BNC2: variants seen among roughly 807,000 people sequenced by gnomAD.
BNC2 encodes the protein basonuclin zinc finger protein 2.
In BNC2, 20 loss-of-function variants were observed where a neutral mutation model predicts 76.3. The observed-to-expected ratio is 0.26, with a 90% confidence interval of 0.18 to 0.38. BNC2 has a LOEUF of 0.38. Ranked by LOEUF, BNC2 falls within the 10% of genes least tolerant of loss-of-function variation. BNC2 has a pLI of 1.00. For missense variants in BNC2, 1,382 were observed against 1,399.8 expected (o/e 0.99, Z 0.20); for synonymous variants, 582 against 514.8 (o/e 1.13, Z -1.77).
chr9:16,526,114 T>C (rs956786746), intron 5 of BNC2, among the ~76,000 whole-genome samples: 1 of 152,164 alleles, frequency 6.6e-6, no homozygotes, highest in African/African-American at 2.4e-5. Flanking sequence ...TTGTTTTTGT[T>C]CTCCCTAAAA....
Position 16,563,658 on chromosome 9 carries a change from A to C in BNC2, c.434-10893T>G, listed in dbSNP as rs182972287. ...CTAAGAAATGAATGACAATGTGGTA[A>C]CAAACCTCCTAGTCCCATGTATTCA... On this transcript the variant is annotated intron_variant, in intron 4 of 6. Coordinates refer to ENST00000380672, the MANE Select transcript of BNC2 (RefSeq NM_017637.6). Among the ~76,000 whole-genome samples, 13 of 152,344 alleles carry C rather than the reference A, an allele frequency of 8.5e-5. No individual in the cohort carries two copies. In the East Asian group the frequency reaches 2.5e-3, roughly 29 times the overall value.
chr9:16,859,636 T>C (rs1391483632), intron 1 of BNC2, among the ~76,000 whole-genome samples: 2 of 152,212 alleles, frequency 1.3e-5, no homozygotes, highest in African/African-American at 2.4e-5. Context: ...ATTCCACTTC[T>C]ATGAGGCATC....
intron 6 of BNC2, among the ~76,000 whole-genome samples, chr9:16,420,483 C>A (rs1187555408): frequency 6.6e-6 from 1 of 151,982 alleles, no homozygotes; most frequent in Non-Finnish European, 1.5e-5. Context: ...AACCCACCCA[C>A]CTTTTTAAAA....
intron 3 of BNC2, among the ~76,000 whole-genome samples, chr9:16,638,890 A>G (rs750948017): frequency 2.5e-4 from 38 of 152,196 alleles, no homozygotes; most frequent in Non-Finnish European, 4.6e-4. Context: ...GGAATGTAAC[A>G]TCTAAACACA....
At position 16,587,715 on chromosome 9, in the gene BNC2, T is replaced by G. The variant is rs529752248; in HGVS notation, c.331-4630A>C. 5.9e-5 allele frequency among the ~76,000 whole-genome samples: 9 copies of G among 152,288 alleles called. No homozygotes were observed. In the South Asian group the frequency reaches 1.7e-3, roughly 28 times the overall value. On this transcript the variant is annotated intron_variant, in intron 3 of 6. Coordinates refer to ENST00000380672, the MANE Select transcript of BNC2 (RefSeq NM_017637.6). ...TGTCCATTCTCCTTGGTTGGACAGC[T>G]GACTCCTCTGCTATCCAAATTCTCA...
intron 3 of BNC2, among the ~76,000 whole-genome samples, chr9:16,650,689 T>C (rs1258610542): frequency 6.6e-6 from 1 of 152,186 alleles, no homozygotes; most frequent in African/African-American, 2.4e-5. Flanking sequence ...TGTAGTATTA[T>C]GCAGTATAGC....
chr9:16,870,444 G>T lies in BNC2; in HGVS notation c.3+202C>A, dbSNP rs887529762. Among the ~76,000 whole-genome samples, 64 of 151,978 alleles carry T rather than the reference G, an allele frequency of 4.2e-4. 1 individual carries two copies. Among genetic ancestry groups the T allele is most frequent in the Admixed American group, 1.2e-3 (19 of 15,266 alleles). ...CCTCAGAAACTTGGGGCCAAGTTTA[G>T]GGGAGGCCACTGGGAGCGCAGCGGG... On this transcript the variant is annotated intron_variant, in intron 1 of 6. Coordinates refer to ENST00000380672, the MANE Select transcript of BNC2 (RefSeq NM_017637.6).
At chr9:16,593,704 T>C (rs889357546) in intron 3 of BNC2, among the ~76,000 whole-genome samples, 14 of 152,166 alleles carry the variant, frequency 9.2e-5, no homozygotes, top group African/African-American at 3.4e-4. Flanking sequence ...ATTGCCTGTA[T>C]ACTTACAAAT....
intron 5 of BNC2, among the ~76,000 whole-genome samples, chr9:16,446,038 G>A (rs1163645740): frequency 1.3e-5 from 2 of 152,116 alleles, no homozygotes; most frequent in African/African-American, 2.4e-5. Context: ...ATTAGTCTTT[G>A]TTAGCTGACA....
chr9:16,533,305 T>C (rs1024789842), intron 5 of BNC2, among the ~76,000 whole-genome samples: 1 of 152,158 alleles, frequency 6.6e-6, no homozygotes, highest in African/African-American at 2.4e-5. Context: ...AGATTAAGTA[T>C]CAGGCACACA....
intron 5 of BNC2, among the ~76,000 whole-genome samples, chr9:16,468,040 CTTTTT>C (rs748053541): frequency 2.3e-5 from 3 of 129,552 alleles, no homozygotes; most frequent in South Asian, 2.6e-4. Context: ...CTTTCTTTCT[CTTTTT>C]TTTTTTTTTT....
At chr9:16,625,583 C>T (rs1200767948) in intron 3 of BNC2, 2 of 152,214 alleles carry the variant, frequency 1.3e-5, no homozygotes, top group Non-Finnish European at 2.9e-5. Flanking sequence ...GCGGAATCCA[C>T]TGGCGTTTTA....
intron 5 of BNC2, chr9:16,473,093 C>G (rs1821858223): frequency 6.6e-6 from 1 of 152,238 alleles, no homozygotes; most frequent in Non-Finnish European, 1.5e-5. Context: ...AATCAGGTGG[C>G]TCTTACTTCT....
At chr9:16,859,100 T>C (rs1156423383) in intron 1 of BNC2, among the ~76,000 whole-genome samples, 1 of 151,476 alleles carries the variant, frequency 6.6e-6, no homozygotes, top group African/African-American at 2.4e-5. Flanking sequence ...CACGTGAAAA[T>C]ATGCTTAACA....
rs556556393 is a variant in BNC2 at position 16,415,692 on chromosome 9, C to A, written c.*3297G>T. Reference sequence around the variant, plus strand: ...TAAGTCAAAACAAGACACTCAGGCACACACTCAAGAACGAGCAATACTTTG... The same window carrying A: ...TAAGTCAAAACAAGACACTCAGGCAAACACTCAAGAACGAGCAATACTTTG... On this transcript the variant is annotated 3_prime_UTR_variant, in exon 7 of 7. Transcript: ENST00000380672. 6.6e-6 allele frequency: 1 copy of A among 152,320 alleles called. No individual in the cohort carries two copies. The highest frequency in any genetic ancestry group is 2.4e-5 in the African/African-American group (1 of 41,566). 9.4% of individuals were successfully genotyped at this position (152,320 alleles called of 1,614,324 possible).
chr9:16,611,087 C>G (rs903281432), intron 3 of BNC2, among the ~76,000 whole-genome samples: 1 of 152,070 alleles, frequency 6.6e-6, no homozygotes, highest in Non-Finnish European at 1.5e-5. Flanking sequence ...AAAAAAAGTA[C>G]AAGCAAGAGA....
chr9:16,434,937 C>T, intron 6 of BNC2: 1 of 469,962 alleles, frequency 2.1e-6, no homozygotes, highest in Non-Finnish European at 4.4e-6. Context: ...TCAACAATTA[C>T]ATCTATCCCA....
intron 5 of BNC2, among the ~76,000 whole-genome samples, chr9:16,463,210 C>T (rs1821622846): frequency 6.6e-6 from 1 of 151,772 alleles, no homozygotes; most frequent in African/African-American, 2.4e-5. Context: ...GAGTGAATGA[C>T]AGCACGTTCT....
intron 1 of BNC2, among the ~76,000 whole-genome samples, chr9:16,746,353 C>T (rs902367809): frequency 1.3e-5 from 2 of 151,850 alleles, no homozygotes; most frequent in African/African-American, 2.4e-5. Flanking sequence ...TTATTAAACT[C>T]GTTTTTGTTT....
Sources: gnomAD v4.1 joint callset for allele counts (sites outside exome capture counted in the v4.1 genomes callset) on GRCh38, gnomAD v4.1.1 for gene constraint, MANE v1.5 for transcripts, NCBI Gene and HGNC (gene_info 2026-07-23, HGNC 2026-07-21) for gene names.